Variants in TTC28 observed in about 807,000 individuals in gnomAD.
The protein encoded by TTC28 is tetratricopeptide repeat protein 28.
In TTC28, 61 loss-of-function variants were observed where a neutral mutation model predicts 198.0. That is an observed-to-expected ratio of 0.31 (90% confidence interval 0.25 to 0.38). TTC28 has a LOEUF of 0.38. Among genes scored for constraint, TTC28 ranks in the 10% least tolerant of loss-of-function variants. TTC28 has a pLI of 1.00. For missense variants in TTC28, 2,678 were observed against 3,164.0 expected (o/e 0.85, Z 3.69); for synonymous variants, 1,171 against 1,297.8 (o/e 0.90, Z 2.10).
At chr22:28,321,345 G>A (rs1179582828) in intron 2 of TTC28, among the ~76,000 whole-genome samples, 1 of 152,160 alleles carries the variant, frequency 6.6e-6, no homozygotes, top group Non-Finnish European at 1.5e-5. Context: ...TAATGGAATA[G>A]ATATTAAATA....
chr22:28,600,569 ACT>A (rs2050623852), intron 2 of TTC28, among the ~76,000 whole-genome samples: 1 of 152,150 alleles, frequency 6.6e-6, no homozygotes, highest in African/African-American at 2.4e-5. Flanking sequence ...ATGCTGTAAG[ACT>A]CTTAAAATAA....
intron 2 of TTC28, among the ~76,000 whole-genome samples, chr22:28,401,192 GGGA>G (rs71194765): frequency 5.3e-5 from 8 of 151,734 alleles, no homozygotes; most frequent in African/African-American, 9.7e-5. Flanking sequence ...AAAGGAGGGG[GGGA>G]GGAGGAGGAG....
chr22:28,183,771 T>C (rs937446242), intron 5 of TTC28, among the ~76,000 whole-genome samples: 1 of 152,220 alleles, frequency 6.6e-6, no homozygotes, highest in African/African-American at 2.4e-5. Context: ...CAATTATCTA[T>C]ATGCAGGATC....
intron 5 of TTC28, among the ~76,000 whole-genome samples, chr22:28,285,117 G>A (rs1378471452): frequency 2.6e-5 from 4 of 152,122 alleles, no homozygotes; most frequent in Admixed American, 6.5e-5. Context: ...TTCAGAAAAC[G>A]GAGTGTATGT....
At chr22:28,272,508 C>T (rs574897861) in intron 5 of TTC28, among the ~76,000 whole-genome samples, 31 of 152,234 alleles carry the variant, frequency 2.0e-4, no homozygotes, top group Non-Finnish European at 2.8e-4. Flanking sequence ...TCTCTAAGAT[C>T]CTTATCTGAT....
chr22:28,354,077 C>A (rs2046039381), intron 2 of TTC28, among the ~76,000 whole-genome samples: 1 of 152,126 alleles, frequency 6.6e-6, no homozygotes, highest in African/African-American at 2.4e-5. Flanking sequence ...TGGTGCACCA[C>A]ACGTAGGAAT....
At chr22:28,138,797 C>A (rs1036021783) in intron 6 of TTC28, among the ~76,000 whole-genome samples, 1 of 152,162 alleles carries the variant, frequency 6.6e-6, no homozygotes, top group Non-Finnish European at 1.5e-5. Context: ...AACATTAACT[C>A]AATGTGTAGG....
intron 2 of TTC28, among the ~76,000 whole-genome samples, chr22:28,453,769 C>T (rs764863887): frequency 4.6e-5 from 7 of 152,158 alleles, no homozygotes; most frequent in Non-Finnish European, 1.0e-4. Flanking sequence ...CAGTATCTTC[C>T]GCTCTGCCTC....
chr22:28,010,277 GCTTAAGTCCATAAC>G (rs1938096536), intron 14 of TTC28, among the ~76,000 whole-genome samples: 1 of 152,142 alleles, frequency 6.6e-6, no homozygotes, highest in Non-Finnish European at 1.5e-5. Flanking sequence ...CTTGCTTGAG[GCTTAAGTCCATAAC>G]CTTCCCCCTT....
chr22:28,311,084 T>TA (rs2045248204), intron 2 of TTC28, among the ~76,000 whole-genome samples: 1 of 152,330 alleles, frequency 6.6e-6, no homozygotes, highest in South Asian at 2.1e-4. Flanking sequence ...TGGCCTACTT[T>TA]AATATTCTTA....
At chr22:28,325,696 T>C (rs1601631567) in intron 2 of TTC28, among the ~76,000 whole-genome samples, 2 of 152,086 alleles carry the variant, frequency 1.3e-5, no homozygotes, top group East Asian at 1.9e-4. Context: ...TTGAACCCAC[T>C]TCAACAGAGA....
chr22:28,642,754 G>A (rs1282865264), intron 1 of TTC28, among the ~76,000 whole-genome samples: 2 of 152,204 alleles, frequency 1.3e-5, no homozygotes, highest in Non-Finnish European at 2.9e-5. Flanking sequence ...AAAGGTCAGA[G>A]AGGTAACTGG....
intron 2 of TTC28, 39 bp downstream of exon 2, chr22:28,629,513 A>G: frequency 6.7e-7 from 1 of 1,501,810 alleles, no homozygotes; most frequent in Non-Finnish European, 8.9e-7. Flanking sequence ...AGGACAAAAG[A>G]TTCTATGAAA....
intron 2 of TTC28, among the ~76,000 whole-genome samples, chr22:28,334,432 T>C (rs945875147): frequency 9.3e-4 from 142 of 152,218 alleles, no homozygotes; most frequent in African/African-American, 3.2e-3. Flanking sequence ...GCCACACTGA[T>C]TTCCACAATG....
chr22:28,654,590 A>G (rs2051614805), intron 1 of TTC28, among the ~76,000 whole-genome samples: 1 of 152,158 alleles, frequency 6.6e-6, no homozygotes, highest in Non-Finnish European at 1.5e-5. Context: ...GGCCTCCCAA[A>G]GTGCTGGGAT....
intron 1 of TTC28, among the ~76,000 whole-genome samples, chr22:28,655,701 C>T (rs745626015): frequency 2.4e-4 from 36 of 152,104 alleles, no homozygotes; most frequent in Admixed American, 1.5e-3. Context: ...AATACAAAAA[C>T]TTAGCCAGGC....
intron 2 of TTC28, among the ~76,000 whole-genome samples, chr22:28,425,153 C>G (rs1184641328): frequency 6.6e-6 from 1 of 152,146 alleles, no homozygotes; most frequent in Non-Finnish European, 1.5e-5. Context: ...AGTTCAGTGG[C>G]TTGCAAACTA....
intron 2 of TTC28, among the ~76,000 whole-genome samples, chr22:28,338,170 C>T (rs1336696270): frequency 6.6e-6 from 1 of 152,182 alleles, no homozygotes; most frequent in Non-Finnish European, 1.5e-5. Flanking sequence ...AAACTGGCCC[C>T]CACTCTCTTC....
intron 2 of TTC28, among the ~76,000 whole-genome samples, chr22:28,533,670 C>T (rs2049197939): frequency 6.6e-6 from 1 of 152,156 alleles, no homozygotes; most frequent in South Asian, 2.1e-4. Context: ...TACTACAAGG[C>T]TACAGTAACC....
Sources: allele counts gnomAD v4.1 joint callset (sites outside exome capture counted in the v4.1 genomes callset), GRCh38; gene constraint gnomAD v4.1.1; transcripts MANE v1.5; gene names NCBI Gene and HGNC (gene_info 2026-07-23, HGNC 2026-07-21).